TSGA13: variants seen among roughly 807,000 people sequenced by gnomAD.
The protein encoded by TSGA13 is testis specific 13.
A neutral mutation model predicts 35.1 loss-of-function variants in TSGA13; 37 were observed. The observed-to-expected ratio is 1.05, with a 90% confidence interval of 0.81 to 1.39. The LOEUF is 1.39. Ranked by LOEUF, TSGA13 falls within the 40% of genes most tolerant of loss-of-function variation. TSGA13 has a pLI of 0.00. For missense variants in TSGA13, 338 were observed against 328.5 expected (o/e 1.03, Z -0.22); for synonymous variants, 124 against 121.2 (o/e 1.02, Z -0.15).
At chr7:130,679,909 G>A (rs1554464816) in intron 4 of TSGA13, among the ~76,000 whole-genome samples, 1 of 152,114 alleles carries the variant, frequency 6.6e-6, no homozygotes, top group Admixed American at 6.5e-5. Context: ...CTAAGGGGCT[G>A]GCGCAATGTG....
Position 130,668,812 on chromosome 7 carries a change from TC to T in TSGA13, c.*201del. 7.9e-7 allele frequency: 1 copy of T among 1,264,784 alleles called. No individual in the cohort carries two copies. The highest frequency in any genetic ancestry group is 1.1e-6 in the Non-Finnish European group (1 of 945,486). 78.3% of individuals were successfully genotyped at this position (1,264,784 alleles called of 1,614,324 possible). ...CTTCACTCGGGGCCAAGGCCCGCCC[TC>T]CCCGGCCGCCCTCGGCCCCCGGGAC... On this transcript the variant is annotated 3_prime_UTR_variant, in exon 8 of 8. Transcript: ENST00000356588.
chr7:130,675,221 G>GTGTGTATATATATATA (rs1796382764), intron 5 of TSGA13, among the ~76,000 whole-genome samples: 2 of 151,158 alleles, frequency 1.3e-5, no homozygotes, highest in Non-Finnish European at 2.9e-5. Context: ...CCATAAATAT[G>GTGTGTATATATATATA]TGTGTATATA....
chr7:130,676,896 C>CTTT (rs781832667), intron 5 of TSGA13, among the ~76,000 whole-genome samples: 15 of 143,206 alleles, frequency 1.0e-4, no homozygotes, highest in Non-Finnish European at 6.2e-5. Flanking sequence ...GATTTTGATT[C>CTTT]TTTTTTTTTT....
intron 5 of TSGA13, among the ~76,000 whole-genome samples, chr7:130,675,980 C>A (rs565967359): frequency 6.6e-6 from 1 of 152,186 alleles, no homozygotes; most frequent in African/African-American, 2.4e-5. Flanking sequence ...CAAAATAGAA[C>A]TTCTCAGGAT....
intron 7 of TSGA13, among the ~76,000 whole-genome samples, chr7:130,670,681 A>G (rs954126331): frequency 1.3e-5 from 2 of 152,160 alleles, no homozygotes; most frequent in African/African-American, 4.8e-5. Context: ...GTGCAATGGC[A>G]TAATCACAGC....
chr7:130,668,729 G>A lies in TSGA13; in HGVS notation c.*285C>T. On this transcript the variant is annotated 3_prime_UTR_variant, in exon 8 of 8. Transcript: ENST00000356588. ...CCGTCCCAGGCGCCGCAGCCGGCGA[G>A]CGGAAGAGGCTGCAGGAAGGCCGGC... is the stretch of plus-strand genomic sequence containing the variant. 6.7e-7 allele frequency: 1 copy of A among 1,493,422 alleles called. No homozygotes were observed. Among genetic ancestry groups the A allele is most frequent in the Non-Finnish European group, 8.9e-7 (1 of 1,117,480 alleles). 92.5% of individuals were successfully genotyped at this position (1,493,422 alleles called of 1,614,324 possible). A position where few individuals can be genotyped will look rare whatever the true frequency, so the allele number is the denominator to read the frequency against.
chr7:130,673,604 C>G (rs1554463691), intron 5 of TSGA13, among the ~76,000 whole-genome samples: 1 of 152,202 alleles, frequency 6.6e-6, no homozygotes, highest in African/African-American at 2.4e-5. Context: ...CTCCTAAGCT[C>G]TGTCTCTTCC....
At chr7:130,683,892 G>A (rs1217698823) in intron 2 of TSGA13, among the ~76,000 whole-genome samples, 1 of 152,154 alleles carries the variant, frequency 6.6e-6, no homozygotes, top group Non-Finnish European at 1.5e-5. Flanking sequence ...TAAACAAGTG[G>A]GACCTTTGGA....
At chr7:130,672,079 C>T (rs182553167) in intron 6 of TSGA13, among the ~76,000 whole-genome samples, 1 of 151,994 alleles carries the variant, frequency 6.6e-6, no homozygotes, top group Admixed American at 6.6e-5. Context: ...TTAGTAGAGA[C>T]GGTTTTCACC....
At chr7:130,676,997 A>G (rs1796427413) in intron 5 of TSGA13, among the ~76,000 whole-genome samples, 1 of 149,216 alleles carries the variant, frequency 6.7e-6, no homozygotes, top group African/African-American at 2.5e-5. Context: ...CGTTCACTCC[A>G]TTTTCCTGCC....
At chr7:130,680,322 C>T (rs906709523) in intron 4 of TSGA13, among the ~76,000 whole-genome samples, 12 of 152,052 alleles carry the variant, frequency 7.9e-5, no homozygotes, top group South Asian at 2.1e-4. Flanking sequence ...CTGGCTAACA[C>T]GGTGAAACCC....
intron 6 of TSGA13, among the ~76,000 whole-genome samples, chr7:130,672,427 G>A (rs1796293716): frequency 6.6e-6 from 1 of 151,688 alleles, no homozygotes; most frequent in South Asian, 2.1e-4. Flanking sequence ...CATAGCACAT[G>A]GTTCCTGTGA....
chr7:130,677,813 C>T (rs1263477952), intron 5 of TSGA13, among the ~76,000 whole-genome samples: 2 of 152,128 alleles, frequency 1.3e-5, no homozygotes, highest in African/African-American at 4.8e-5. Context: ...TGATATTTTC[C>T]TGTTCTTTTG....
chr7:130,676,444 C>A (rs1796413287), intron 5 of TSGA13, among the ~76,000 whole-genome samples: 1 of 152,216 alleles, frequency 6.6e-6, no homozygotes, highest in Admixed American at 6.5e-5. Flanking sequence ...GCTCTTCCCA[C>A]ACCCAGTTTA....
chr7:130,679,392 A>G (rs1554464730), intron 4 of TSGA13, 25 bp from the exon 5 acceptor site: 1 of 1,571,912 alleles, frequency 6.4e-7, no homozygotes, highest in East Asian at 2.3e-5. Flanking sequence ...AGGTTTCCAG[A>G]GAGAAAAAGA....
intron 2 of TSGA13, among the ~76,000 whole-genome samples, chr7:130,684,433 T>G (rs973998298): frequency 6.6e-6 from 1 of 152,172 alleles, no homozygotes; most frequent in Non-Finnish European, 1.5e-5. Context: ...GGTTAATGAT[T>G]AAGATAAATG....
rs557505484 is a variant in TSGA13, at chr7:130,672,749, C to T, written c.515G>A (p.Arg172Gln). Residue 172 changes from arginine (R) to glutamine (Q), a missense_variant, in exon 6 of 8, where the codon CGA becomes CAA. Transcript: ENST00000356588. ...AAGATTTCACCTAAACCATTGTTCT[C>T]GCTTGGATGTGGGATCATCCGACAG... ...LILSDDPTSK[R>Q]EQWFRFSTDN... is the part of the protein sequence containing the mutation. 9.3e-6 allele frequency: 15 copies of T among 1,613,226 alleles called. No homozygotes were observed. Among genetic ancestry groups the T allele is most frequent in the South Asian group, 2.2e-5 (2 of 90,906 alleles).
At chr7:130,672,926 G>A (rs782438905) in intron 5 of TSGA13, 50 bp from the exon 6 acceptor site, 1 of 1,533,100 alleles carries the variant, frequency 6.5e-7, no homozygotes, top group Admixed American at 2.0e-5. Flanking sequence ...GAGTCCCTTG[G>A]GATTTTAAGT....
In TSGA13 at chr7:130,668,914, C is replaced by T; in HGVS notation, c.*100G>A. On this transcript the variant is annotated 3_prime_UTR_variant, in exon 8 of 8. Transcript: ENST00000356588. ...CCCTCCCGGCTTGCGACCCGGGAGC[C>T]CACGCCCGCAGCAGCAGGAATGTGG... is the stretch of plus-strand genomic sequence containing the variant. The T allele has an allele frequency of 6.7e-7, 1 of 1,495,376 alleles. No homozygotes were observed. The highest frequency in any genetic ancestry group is 9.0e-7 in the Non-Finnish European group (1 of 1,116,252). The allele number at this position is 1,495,376 out of a possible 1,614,324, so 92.6% of individuals were successfully genotyped here.
Sources: gnomAD v4.1 joint callset for allele counts (sites outside exome capture counted in the v4.1 genomes callset) on GRCh38, gnomAD v4.1.1 for gene constraint, MANE v1.5 for transcripts, NCBI Gene and HGNC (gene_info 2026-07-23, HGNC 2026-07-21) for gene names.